The following ZNF536 variants were observed in gnomAD, a reference collection of about 807,000 sequenced individuals.
ZNF536 encodes the protein zinc finger protein 536.
In ZNF536, 13 loss-of-function variants were observed where a neutral mutation model predicts 84.5. The observed-to-expected ratio is 0.15, with a 90% CI of 0.10 to 0.24. ZNF536 has a LOEUF of 0.24. ZNF536 is among the 10% of genes least tolerant of loss of function. The pLI is 1.00. For missense variants in ZNF536, 1,536 were observed against 1,747.5 expected (o/e 0.88, Z 2.16); for synonymous variants, 811 against 742.5 (o/e 1.09, Z -1.50).
intron 3 of ZNF536, among the ~76,000 whole-genome samples, chr19:30,543,913 G>A (rs76361869): frequency 1.5e-3 from 235 of 152,256 alleles, no homozygotes; most frequent in African/African-American, 5.3e-3. Context: ...CTCTGGGTGT[G>A]CCTGGCTAGA....
intron 1 of ZNF536, among the ~76,000 whole-genome samples, chr19:30,700,070 C>A (rs1234848420): frequency 1.3e-5 from 2 of 148,478 alleles, no homozygotes; most frequent in Non-Finnish European, 3.0e-5. Context: ...CGCCTCCCTC[C>A]TTCTCTCTCC....
At chr19:30,512,487 G>T (rs1017750597) in intron 2 of ZNF536, among the ~76,000 whole-genome samples, 1 of 151,880 alleles carries the variant, frequency 6.6e-6, no homozygotes, top group Non-Finnish European at 1.5e-5. Flanking sequence ...AACAGTTTTT[G>T]CCATGCAGGT....
At chr19:30,399,679 GTTTT>G (rs71171801) in intron 1 of ZNF536, among the ~76,000 whole-genome samples, 1 of 112,870 alleles carries the variant, frequency 8.9e-6, no homozygotes. Context: ...AATAAGAAAT[GTTTT>G]TTTTTTTTTT....
intron 1 of ZNF536, among the ~76,000 whole-genome samples, chr19:30,246,318 G>A (rs1322490854): frequency 6.6e-6 from 1 of 152,146 alleles, no homozygotes; most frequent in African/African-American, 2.4e-5. Flanking sequence ...AACAACAAAC[G>A]AGAATTCTTG....
intron 1 of ZNF536, among the ~76,000 whole-genome samples, chr19:30,710,356 A>G (rs987332727): frequency 1.3e-5 from 2 of 152,192 alleles, no homozygotes; most frequent in South Asian, 4.1e-4. Flanking sequence ...AGCCTAGGCA[A>G]CATAGCGAGA....
chr19:30,601,103 G>A (rs764588870), intron 1 of ZNF536, among the ~76,000 whole-genome samples: 5 of 152,218 alleles, frequency 3.3e-5, no homozygotes, highest in African/African-American at 7.2e-5. Context: ...CAGTGAGGAC[G>A]CTGAAATCTA....
At chr19:30,418,719 T>C (rs191673388) in intron 1 of ZNF536, among the ~76,000 whole-genome samples, 156 of 152,288 alleles carry the variant, frequency 1.0e-3, no homozygotes, top group African/African-American at 3.7e-3. Context: ...AGGTACCCAT[T>C]TCCTTCATGC....
chr19:30,353,527 C>A (rs898485714), intron 3 of ZNF536, among the ~76,000 whole-genome samples: 1 of 151,018 alleles, frequency 6.6e-6, no homozygotes, highest in Admixed American at 6.6e-5. Context: ...GGATGAGCAG[C>A]CCCCCCCTGG....
chr19:30,248,537 C>T (rs771771476), intron 1 of ZNF536, among the ~76,000 whole-genome samples: 5 of 151,940 alleles, frequency 3.3e-5, no homozygotes, highest in Non-Finnish European at 7.4e-5. Flanking sequence ...AGCCACTGTG[C>T]CCAACCAGAA....
intron 1 of ZNF536, among the ~76,000 whole-genome samples, chr19:30,271,936 G>C (rs1416871211): frequency 2.0e-5 from 3 of 152,200 alleles, no homozygotes; most frequent in African/African-American, 7.2e-5. Context: ...GTAAGAAACT[G>C]GTAGAATGAG....
At chr19:30,325,022 T>A (rs1027653985) in intron 2 of ZNF536, among the ~76,000 whole-genome samples, 2 of 152,200 alleles carry the variant, frequency 1.3e-5, no homozygotes, top group African/African-American at 2.4e-5. Flanking sequence ...AGTGCTCTTG[T>A]TCTAGAACCA....
At chr19:30,706,631 C>T (rs574070415) in intron 1 of ZNF536, among the ~76,000 whole-genome samples, 2 of 152,268 alleles carry the variant, frequency 1.3e-5, no homozygotes, top group South Asian at 4.1e-4. Flanking sequence ...TTTCATAGTG[C>T]TGCTGGCCTA....
intron 1 of ZNF536, among the ~76,000 whole-genome samples, chr19:30,259,493 G>GGTTA (rs1182154046): frequency 2.4e-4 from 37 of 152,192 alleles, no homozygotes; most frequent in African/African-American, 8.9e-4. Context: ...AAACGCTGTG[G>GGTTA]GTTAGGCCCA....
intron 2 of ZNF536, among the ~76,000 whole-genome samples, chr19:30,524,179 A>G (rs911858628): frequency 6.6e-6 from 1 of 152,208 alleles, no homozygotes; most frequent in Non-Finnish European, 1.5e-5. Context: ...GTCAGCCCCA[A>G]ACTGTACATG....
At chr19:30,331,960 A>C (rs897614366) in intron 2 of ZNF536, among the ~76,000 whole-genome samples, 2 of 151,960 alleles carry the variant, frequency 1.3e-5, no homozygotes, top group African/African-American at 4.8e-5. Flanking sequence ...TTTTTGTCTC[A>C]TGCACCTGAT....
intron 1 of ZNF536, among the ~76,000 whole-genome samples, chr19:30,569,802 C>T (rs2046480568): frequency 6.6e-6 from 1 of 151,728 alleles, no homozygotes; most frequent in Admixed American, 6.6e-5. Context: ...CAATGCCTGG[C>T]CTCAAGTGAT....
Position 30,548,859 on chromosome 19 carries a change from C to T in ZNF536, c.3240C>T (p.Ala1080=), listed in dbSNP as rs747100546. 3.7e-6 allele frequency: 6 copies of T among 1,614,112 alleles called. No individual in the cohort carries two copies. Among genetic ancestry groups the T allele is most frequent in the African/African-American group, 1.3e-5 (1 of 75,024 alleles). Residue 1080 remains alanine (A), a synonymous_variant, in exon 4 of 5, where the codon GCC becomes GCT. Coordinates refer to ENST00000355537, the MANE Select transcript of ZNF536 (RefSeq NM_014717.3). ...SSLDSASEKM[A]QGQLKETLGE... is the part of the protein sequence containing the mutation. ...TAGACTCTGCTTCTGAGAAGATGGC[C>T]CAAGGTCAGCTCAAGGAGACTCTGG...
chr19:30,534,171 G>C (rs915285545), intron 2 of ZNF536, among the ~76,000 whole-genome samples: 5 of 152,228 alleles, frequency 3.3e-5, no homozygotes, highest in African/African-American at 1.2e-4. Context: ...CTGCAGTGCT[G>C]TAAGTTTATG....
intron 1 of ZNF536, among the ~76,000 whole-genome samples, chr19:30,573,773 T>G (rs1303728129): frequency 6.6e-6 from 1 of 152,162 alleles, no homozygotes; most frequent in Non-Finnish European, 1.5e-5. Flanking sequence ...CTTGGACATC[T>G]GAGTTAAGCC....
Sources: allele counts gnomAD v4.1 joint callset (sites outside exome capture counted in the v4.1 genomes callset), GRCh38; gene constraint gnomAD v4.1.1; transcripts MANE v1.5; gene names NCBI Gene and HGNC (gene_info 2026-07-23, HGNC 2026-07-21).